The following PFKFB3 variants were observed in gnomAD, a reference collection of about 807,000 sequenced individuals.
PFKFB3 encodes 6-phosphofructo-2-kinase/fructose-2,6-bisphosphatase 3.
PFKFB3 carries 33 observed loss-of-function variants against 68.0 expected under a neutral mutation model. The ratio of observed to expected loss-of-function variants is 0.49; its 90% CI spans 0.37 to 0.65. The LOEUF (loss-of-function observed/expected upper bound fraction) is 0.65, where lower values mean the gene tolerates loss of function less well. PFKFB3 is among the 30% of genes least tolerant of loss of function. The pLI is 0.00. For missense variants in PFKFB3, 586 were observed against 712.2 expected (o/e 0.82, Z 2.02); for synonymous variants, 315 against 288.2 (o/e 1.09, Z -0.94).
intron 1 of PFKFB3, among the ~76,000 whole-genome samples, chr10:6,180,488 CAG>C (rs1283989422): frequency 6.6e-6 from 1 of 152,002 alleles, no homozygotes; most frequent in Non-Finnish European, 1.5e-5. Context: ...TGTTTTTTGA[CAG>C]AGTCTCCCAC....
intron 14 of PFKFB3, among the ~76,000 whole-genome samples, chr10:6,245,991 C>T (rs1045487028): frequency 3.3e-5 from 5 of 152,178 alleles, no homozygotes; most frequent in African/African-American, 1.2e-4. Flanking sequence ...CAATTTCCTT[C>T]TCTCTCCTGA....
At chr10:6,181,427 A>G (rs530777496) in intron 1 of PFKFB3, among the ~76,000 whole-genome samples, 1 of 152,372 alleles carries the variant, frequency 6.6e-6, no homozygotes, top group South Asian at 2.1e-4. Context: ...CACACAGTGG[A>G]ATATTATGCA....
At chr10:6,288,346 C>A in the PFKFB3 span, among the ~76,000 whole-genome samples, 1 of 105,198 alleles carries the variant, frequency 9.5e-6, no homozygotes, top group Non-Finnish European at 1.9e-5. Context: ...AATGCTATCC[C>A]TCCCCCCTCC....
chr10:6,177,354 C>CTCTTTCTTTTTCTT (rs1842506247), intron 1 of PFKFB3, among the ~76,000 whole-genome samples: 1 of 77,924 alleles, frequency 1.3e-5, no homozygotes, highest in Non-Finnish European at 2.7e-5. Flanking sequence ...CTTTTCTTTT[C>CTCTTTCTTTTTCTT]TCTTTCTTTC....
At chr10:6,261,761 G>A in the PFKFB3 span, among the ~76,000 whole-genome samples, 3 of 152,224 alleles carry the variant, frequency 2.0e-5, no homozygotes, top group African/African-American at 4.8e-5. Flanking sequence ...TTGGGAGGCC[G>A]AGGCAGGCAG....
At chr10:6,177,278 G>A (rs917992658) in intron 1 of PFKFB3, among the ~76,000 whole-genome samples, 21 of 152,184 alleles carry the variant, frequency 1.4e-4, no homozygotes, top group African/African-American at 3.1e-4. Flanking sequence ...GTCTTAGAAT[G>A]CTCACCAGAT....
intron 1 of PFKFB3, among the ~76,000 whole-genome samples, chr10:6,195,862 G>A (rs937160413): frequency 1.3e-5 from 2 of 152,212 alleles, no homozygotes; most frequent in Non-Finnish European, 2.9e-5. Flanking sequence ...TCTCATGGCA[G>A]ATGGTGATCT....
At chr10:6,156,693 G>A (rs1386648170) in intron 1 of PFKFB3, among the ~76,000 whole-genome samples, 1 of 149,854 alleles carries the variant, frequency 6.7e-6, no homozygotes, top group Non-Finnish European at 1.5e-5. Context: ...TCGCCATGTT[G>A]GCCAGGCTGG....
At chr10:6,216,598 T>C (rs374054569) in intron 4 of PFKFB3, 108 bp from the exon 5 acceptor site, 31 of 819,702 alleles carry the variant, frequency 3.8e-5, no homozygotes, top group South Asian at 2.3e-4. Context: ...TGAAGCACTT[T>C]TGGGGCTTAT....
At position 6,229,686 on chromosome 10, in the gene PFKFB3, T is replaced by C. The variant is rs1845606002; in HGVS notation, c.1516-3209T>C. 6.6e-6 allele frequency among the ~76,000 whole-genome samples: 1 copy of C among 152,146 alleles called. No individual in the cohort carries two copies. Among genetic ancestry groups the C allele is most frequent in the Non-Finnish European group, 1.5e-5 (1 of 68,016 alleles). On this transcript the variant is annotated intron_variant, in intron 14 of 14. Transcript: ENST00000379775. This position sits in a 1 kb window ranked among gnomAD's most constrained non-coding sequence, Gnocchi z 4.3. ...TCTGGGCTTCTCCTTGTGTGAAACTTTTTGGACTTGGAGCCTGAAGGTTTT... is the reference window on the plus strand; with the variant it reads ...TCTGGGCTTCTCCTTGTGTGAAACTCTTTGGACTTGGAGCCTGAAGGTTTT...
At chr10:6,205,924 A>G (rs1397250572) in intron 1 of PFKFB3, among the ~76,000 whole-genome samples, 1 of 151,996 alleles carries the variant, frequency 6.6e-6, no homozygotes, top group East Asian at 1.9e-4. Context: ...CAGCCTGTCC[A>G]GTAGCCGGGA....
intron 1 of PFKFB3, among the ~76,000 whole-genome samples, chr10:6,209,623 C>T (rs1407535864): frequency 3.9e-5 from 6 of 151,934 alleles, no homozygotes; most frequent in Non-Finnish European, 8.8e-5. Flanking sequence ...TGCTACCACG[C>T]CTGGCTAATT....
the PFKFB3 span, among the ~76,000 whole-genome samples, chr10:6,291,817 G>T: frequency 6.6e-6 from 1 of 152,076 alleles, no homozygotes; most frequent in Non-Finnish European, 1.5e-5. Context: ...TTTTAGTCTG[G>T]ATGCTTAACA....
At chr10:6,210,364 G>T (rs112137928) in intron 1 of PFKFB3, among the ~76,000 whole-genome samples, 3,689 of 58,430 alleles carry the variant, frequency 0.063, 415 homozygotes, top group African/African-American at 0.096. Context: ...TTGTTTTTTT[G>T]TTTTTTTTTT....
intron 14 of PFKFB3, among the ~76,000 whole-genome samples, chr10:6,242,182 C>T (rs1846156140): frequency 6.6e-6 from 1 of 152,162 alleles, no homozygotes; most frequent in Non-Finnish European, 1.5e-5. Context: ...TCCTTTTACA[C>T]TTATTTGTAA....
chr10:6,225,373 C>T (rs1231411010), intron 13 of PFKFB3: 48 of 372,774 alleles, frequency 1.3e-4, no homozygotes, highest in South Asian at 8.0e-4. Context: ...GTCCCTTGGC[C>T]GCCTTGGTCC....
the PFKFB3 span, among the ~76,000 whole-genome samples, chr10:6,303,468 A>T: frequency 6.6e-6 from 1 of 151,418 alleles, no homozygotes; most frequent in African/African-American, 2.4e-5. Flanking sequence ...GGTCCAGTTT[A>T]AAAAAAAATG....
At chr10:6,191,121 A>G (rs1194092548) in intron 1 of PFKFB3, among the ~76,000 whole-genome samples, 2 of 152,188 alleles carry the variant, frequency 1.3e-5, no homozygotes, top group Non-Finnish European at 2.9e-5. Context: ...GTGGGTATAC[A>G]TGACATACGA....
At chr10:6,222,790 G>A in intron 10 of PFKFB3, 65 bp from the exon 11 acceptor site, 1 of 1,537,964 alleles carries the variant, frequency 6.5e-7, no homozygotes, top group East Asian at 2.3e-5. Flanking sequence ...GATGCAGTCT[G>A]TGGCCAGCGG....
Sources: allele counts gnomAD v4.1 joint callset (sites outside exome capture counted in the v4.1 genomes callset), GRCh38; gene constraint gnomAD v4.1.1; non-coding constraint Gnocchi (gnomAD v3.1); transcripts MANE v1.5; gene names NCBI Gene and HGNC (gene_info 2026-07-23, HGNC 2026-07-21).